Variants in MEIS1 observed in about 807,000 individuals in gnomAD.
MEIS1 encodes the protein Meis homeobox 1.
MEIS1 carries 5 observed loss-of-function variants against 50.8 expected under a neutral mutation model. The observed-to-expected ratio is 0.10, with a 90% CI of 0.05 to 0.21. The LOEUF (loss-of-function observed/expected upper bound fraction) is 0.21. Ranked by LOEUF, MEIS1 falls within the 10% of genes least tolerant of loss-of-function variation. The probability of loss-of-function intolerance (pLI) is 1.00; values close to 1 mark genes in which losing one functional copy is unlikely to be tolerated. For missense variants in MEIS1, 318 were observed against 517.3 expected (o/e 0.61, Z 3.74); for synonymous variants, 176 against 179.3 (o/e 0.98, Z 0.15).
rs759854586 is a variant in MEIS1 at position 66,571,338 on chromosome 2, C to A, written c.*130C>A. Reference sequence around the variant, plus strand: ...AAGTTATACCCAACCCCAGATGCCCCCCCATCCTGCTCAGCTGCGTCATGG... The same window carrying A: ...AAGTTATACCCAACCCCAGATGCCCACCCATCCTGCTCAGCTGCGTCATGG... On this transcript the variant is annotated 3_prime_UTR_variant, in exon 13 of 13. Coordinates refer to ENST00000272369, the MANE Select transcript of MEIS1 (RefSeq NM_002398.3). 2.7e-5 allele frequency: 43 copies of A among 1,599,224 alleles called. No individual in the cohort carries two copies. Among genetic ancestry groups the A allele is most frequent in the Non-Finnish European group, 3.4e-5 (40 of 1,173,004 alleles).
chr2:66,493,736 CT>C (rs1231066226), intron 7 of MEIS1, among the ~76,000 whole-genome samples: 1 of 152,124 alleles, frequency 6.6e-6, no homozygotes, highest in East Asian at 1.9e-4. Context: ...TATGACTCCC[CT>C]ATAAGTAAAC....
intron 6 of MEIS1, chr2:66,462,008 T>C: frequency 2.5e-6 from 1 of 401,652 alleles, no homozygotes; most frequent in Non-Finnish European, 5.1e-6. Flanking sequence ...AGCATTGAAT[T>C]AATCTACATC....
At chr2:66,490,505 T>A (rs72895150) in intron 7 of MEIS1, among the ~76,000 whole-genome samples, 7,718 of 152,232 alleles carry the variant, frequency 0.051, 651 homozygotes, top group African/African-American at 0.17. Context: ...ACTTGACTGT[T>A]TGGGGACATG....
chr2:66,471,042 T>C (rs977738492), intron 7 of MEIS1, among the ~76,000 whole-genome samples: 2 of 152,182 alleles, frequency 1.3e-5, no homozygotes, highest in Non-Finnish European at 2.9e-5. Flanking sequence ...TTTAGAACAA[T>C]TGATTAGCCA....
At chr2:66,539,843 C>A (rs1336417750) in intron 8 of MEIS1, among the ~76,000 whole-genome samples, 1 of 152,202 alleles carries the variant, frequency 6.6e-6, no homozygotes, top group Non-Finnish European at 1.5e-5. Context: ...TCCCCTTCTG[C>A]CTGCCTCCCA....
In MEIS1 at chr2:66,569,043, C is replaced by A. The variant is rs568357780; in HGVS notation, c.1115-7C>A. On this transcript the variant is annotated splice_region_variant and splice_polypyrimidine_tract_variant and intron_variant, in intron 11 of 12. Coordinates refer to ENST00000272369, the MANE Select transcript of MEIS1 (RefSeq NM_002398.3). ...GGCCTCTTCTTGGATTTTTATCTCC[C>A]TTCTAGGACCTATGAGTGGAATGGG... 51 of 1,613,094 alleles carry A rather than the reference C, an allele frequency of 3.2e-5. No individual in the cohort carries two copies. Among genetic ancestry groups the A allele is most frequent in the Middle Eastern group, 1.6e-4 (1 of 6,082 alleles).
chr2:66,558,279 CAAAAAAAAAAAAAA>C (rs59017279), intron 9 of MEIS1, among the ~76,000 whole-genome samples: 1 of 57,104 alleles, frequency 1.8e-5, no homozygotes. Flanking sequence ...AACTCCATCT[CAAAAAAAAAAAAAA>C]AAAAAAAAAA....
At position 66,435,550 on chromosome 2, in the gene MEIS1, C is replaced by A. The variant is rs1671778729; in HGVS notation, c.-307C>A. 1.1e-5 allele frequency: 4 copies of A among 363,080 alleles called. No individual in the cohort carries two copies. In the Admixed American group the frequency reaches 1.4e-4, roughly 13 times the overall value. 22.5% of individuals were successfully genotyped at this position (363,080 alleles called of 1,614,324 possible). A position where few individuals can be genotyped will look rare whatever the true frequency, so the allele number is the denominator to read the frequency against. On this transcript the variant is annotated 5_prime_UTR_variant, in exon 1 of 13. Transcript: ENST00000272369. The stretch of plus-strand genomic sequence containing the variant: ...GGCGCTCTTTTTTTTCCTTTTCTTT[C>A]TTTCTTTCTTTTTTTTTTTTTAAAC...
chr2:66,512,781 C>T (rs534938287), intron 8 of MEIS1, among the ~76,000 whole-genome samples: 65 of 152,274 alleles, frequency 4.3e-4, no homozygotes, highest in African/African-American at 1.4e-3. Flanking sequence ...GCTTCCATTA[C>T]AAAACATTCA....
chr2:66,511,628 T>A (rs1329092307), intron 7 of MEIS1, among the ~76,000 whole-genome samples: 1 of 152,230 alleles, frequency 6.6e-6, no homozygotes, highest in African/African-American at 2.4e-5. Flanking sequence ...AGCATTCCTA[T>A]GTCAAACTGC....
At position 66,508,748 on chromosome 2, in the gene MEIS1, A is replaced by G. The variant is rs576493379; in HGVS notation, c.743-3401A>G. On this transcript the variant is annotated intron_variant, in intron 7 of 12. Transcript: ENST00000272369. ...TTGCACTAGTTGCTAAGAAGCTGTC[A>G]GAAACCATTAGCGGTTGGCTAAAGT... 3.4e-3 allele frequency among the ~76,000 whole-genome samples: 522 copies of G among 152,392 alleles called. 2 individuals are homozygous for G. Among genetic ancestry groups the G allele is most frequent in the Middle Eastern group, 0.02 (6 of 294 alleles).
Position 66,573,104 on chromosome 2 carries a change from TA to T in MEIS1, c.*1897del, listed in dbSNP as rs1675513918. Reference sequence around the variant, plus strand: ...AAAGGATGTTACCTAGGATGAGCAGTATATGTTTATTAGGAAATTAACTACA... The same window carrying T: ...AAAGGATGTTACCTAGGATGAGCAGTTATGTTTATTAGGAAATTAACTACA... On this transcript the variant is annotated 3_prime_UTR_variant, in exon 13 of 13. Coordinates refer to ENST00000272369, the MANE Select transcript of MEIS1 (RefSeq NM_002398.3). 1 of 152,198 alleles carries T rather than the reference TA, an allele frequency of 6.6e-6. No homozygotes were observed. The highest frequency in any genetic ancestry group is 2.1e-4 in the South Asian group (1 of 4,832). The allele number at this position is 152,198 out of a possible 1,614,324, so 9.4% of individuals were successfully genotyped here. A position where few individuals can be genotyped will look rare whatever the true frequency, so the allele number is the denominator to read the frequency against.
intron 2 of MEIS1, among the ~76,000 whole-genome samples, 173 bp downstream of exon 2, chr2:66,438,136 A>G (rs1330207995): frequency 2.6e-5 from 4 of 152,154 alleles, no homozygotes; most frequent in African/African-American, 9.7e-5. Flanking sequence ...CTGAAGCCCT[A>G]CATCCCCATA....
intron 8 of MEIS1, among the ~76,000 whole-genome samples, chr2:66,536,078 A>G (rs1674510220): frequency 6.6e-6 from 1 of 152,122 alleles, no homozygotes; most frequent in African/African-American, 2.4e-5. Flanking sequence ...AAGAATTCTG[A>G]TTGTTTCTTT....
At chr2:66,555,570 C>T (rs546081021) in intron 9 of MEIS1, among the ~76,000 whole-genome samples, 20 of 152,244 alleles carry the variant, frequency 1.3e-4, no homozygotes, top group African/African-American at 4.8e-4. Flanking sequence ...AGGTTTAGGT[C>T]TATTCTTGTC....
intron 7 of MEIS1, among the ~76,000 whole-genome samples, chr2:66,481,683 G>T (rs1391111731): frequency 6.6e-6 from 1 of 151,958 alleles, no homozygotes; most frequent in Non-Finnish European, 1.5e-5. Context: ...ATTTTCATGT[G>T]CAGTTGGATG....
chr2:66,500,759 G>T (rs1572858485), intron 7 of MEIS1, among the ~76,000 whole-genome samples: 1 of 152,228 alleles, frequency 6.6e-6, no homozygotes, highest in South Asian at 2.1e-4. Flanking sequence ...CTTTTCAAGT[G>T]TATTTTATTT....
chr2:66,491,535 T>C (rs552998519), intron 7 of MEIS1, among the ~76,000 whole-genome samples: 1 of 152,356 alleles, frequency 6.6e-6, no homozygotes, highest in South Asian at 2.1e-4. Flanking sequence ...GCAGCAGTTT[T>C]CTCAGGCCTT....
At chr2:66,537,562 C>T (rs181203360) in intron 8 of MEIS1, among the ~76,000 whole-genome samples, 2 of 152,186 alleles carry the variant, frequency 1.3e-5, no homozygotes, top group Non-Finnish European at 2.9e-5. Flanking sequence ...ATCTTTTTCT[C>T]TCTCAAAAAT....
Sources: allele counts gnomAD v4.1 joint callset (sites outside exome capture counted in the v4.1 genomes callset), GRCh38; gene constraint gnomAD v4.1.1; transcripts MANE v1.5; gene names NCBI Gene and HGNC (gene_info 2026-07-23, HGNC 2026-07-21).